EML4: variants seen among roughly 807,000 people sequenced by gnomAD.
EML4 encodes the protein EMAP like 4.
In EML4, 72 loss-of-function variants were observed where a neutral mutation model predicts 129.0. The ratio of observed to expected loss-of-function variants is 0.56; its 90% CI spans 0.46 to 0.68. The LOEUF (loss-of-function observed/expected upper bound fraction) is 0.68, where lower values mean the gene tolerates loss of function less well. Among genes scored for constraint, EML4 ranks in the 30% least tolerant of loss-of-function variants. The pLI is 0.00. For synonymous variants in EML4, 532 were observed against 405.0 expected, an observed-to-expected ratio of 1.31 and a Z score of -3.77; for missense variants, 1,363 against 1,190.6, an observed-to-expected ratio of 1.14 and a Z score of -2.13.
intron 1 of EML4, among the ~76,000 whole-genome samples, chr2:42,219,734 A>G (rs1572566831): frequency 6.6e-6 from 1 of 152,028 alleles, no homozygotes; most frequent in African/African-American, 2.4e-5. Flanking sequence ...CCTGGCCAAC[A>G]TGGTGAAGCC....
At chr2:42,258,398 T>G (rs201451214) in intron 3 of EML4, among the ~76,000 whole-genome samples, 24 of 41,188 alleles carry the variant, frequency 5.8e-4, no homozygotes, top group African/African-American at 2.6e-3. Context: ...TTTTTTAAGA[T>G]ATATATATAT....
intron 1 of EML4, among the ~76,000 whole-genome samples, chr2:42,240,918 A>G (rs1353697001): frequency 6.6e-6 from 1 of 152,154 alleles, no homozygotes; most frequent in Non-Finnish European, 1.5e-5. Context: ...AGGCAGGCAG[A>G]TAGATCCCTT....
At chr2:42,254,744 T>C (rs988797941) in intron 2 of EML4, among the ~76,000 whole-genome samples, 1 of 152,064 alleles carries the variant, frequency 6.6e-6, no homozygotes, top group African/African-American at 2.4e-5. Context: ...CCTCAATAAG[T>C]TGAACATACA....
At chr2:42,310,796 A>AT (rs1256933361) in intron 17 of EML4, among the ~76,000 whole-genome samples, 9 of 151,790 alleles carry the variant, frequency 5.9e-5, no homozygotes, top group Admixed American at 1.3e-4. Context: ...CTTAAAAAAC[A>AT]TTTTTTTTTA....
At chr2:42,299,221 A>G (rs1233602576) in intron 13 of EML4, among the ~76,000 whole-genome samples, 1 of 152,248 alleles carries the variant, frequency 6.6e-6, no homozygotes, top group African/African-American at 2.4e-5. Context: ...TCCCTGCCAT[A>G]TATACCCATC....
chr2:42,178,368 C>T (rs762145406), intron 1 of EML4, among the ~76,000 whole-genome samples: 2 of 151,530 alleles, frequency 1.3e-5, no homozygotes, highest in Non-Finnish European at 1.5e-5. Context: ...CATAGTGAGA[C>T]CCTGTCTCTA....
chr2:42,228,513 G>C (rs539451778), intron 1 of EML4, among the ~76,000 whole-genome samples: 2 of 152,126 alleles, frequency 1.3e-5, no homozygotes, highest in Non-Finnish European at 2.9e-5. Context: ...ATATCATTTG[G>C]AATATAGCTG....
At chr2:42,177,951 A>G (rs1002016302) in intron 1 of EML4, among the ~76,000 whole-genome samples, 20 of 152,200 alleles carry the variant, frequency 1.3e-4, no homozygotes, top group African/African-American at 4.8e-4. Context: ...GTTGGTCACA[A>G]TCAGATGAAA....
chr2:42,199,416 G>A lies in EML4; in HGVS notation c.25+29780G>A, dbSNP rs572733767. ...TTGGAGAGTGACTGAGAAGTTGATT[G>A]ATGATAATGATGAATAATTAGGTTA... On this transcript the variant is annotated intron_variant, in intron 1 of 22. Coordinates refer to ENST00000318522, the MANE Select transcript of EML4 (RefSeq NM_019063.5). 1.4e-3 allele frequency among the ~76,000 whole-genome samples: 214 copies of A among 152,304 alleles called. 3 individuals are homozygous for A. In the South Asian group the frequency reaches 0.019, roughly 13 times the overall value.
chr2:42,280,594 G>A (rs1164878223), intron 6 of EML4, among the ~76,000 whole-genome samples: 1 of 152,172 alleles, frequency 6.6e-6, no homozygotes, highest in African/African-American at 2.4e-5. Flanking sequence ...AAATATACAG[G>A]TTATATGTGA....
intron 1 of EML4, among the ~76,000 whole-genome samples, chr2:42,172,479 T>C (rs889518908): frequency 2.0e-5 from 3 of 152,210 alleles, no homozygotes; most frequent in Admixed American, 1.3e-4. Context: ...TGGTACTGAT[T>C]ATGTTATCTT....
intron 13 of EML4, among the ~76,000 whole-genome samples, chr2:42,299,432 A>G (rs1668150216): frequency 6.6e-6 from 1 of 152,170 alleles, no homozygotes; most frequent in African/African-American, 2.4e-5. Context: ...CTTTAAGTTC[A>G]GTGGTTTTTA....
chr2:42,246,268 C>A (rs1160269668), intron 2 of EML4, among the ~76,000 whole-genome samples: 3 of 152,000 alleles, frequency 2.0e-5, no homozygotes, highest in Non-Finnish European at 4.4e-5. Flanking sequence ...ATGTAGTGTA[C>A]CTTTTCCCTT....
intron 1 of EML4, among the ~76,000 whole-genome samples, chr2:42,239,419 T>G (rs1427455739): frequency 1.2e-4 from 19 of 152,228 alleles, no homozygotes; most frequent in Non-Finnish European, 2.4e-4. Context: ...GCATAATGAA[T>G]AGCTATCATT....
intron 13 of EML4, 25 bp from the exon 14 acceptor site, chr2:42,301,216 T>C: frequency 6.3e-7 from 1 of 1,590,718 alleles, no homozygotes; most frequent in Non-Finnish European, 8.6e-7. Flanking sequence ...TTATCACTAG[T>C]GTTTTTATTT....
At chr2:42,310,543 A>G (rs982114113) in intron 17 of EML4, among the ~76,000 whole-genome samples, 4 of 152,096 alleles carry the variant, frequency 2.6e-5, no homozygotes, top group Non-Finnish European at 2.9e-5. Flanking sequence ...ACAGGGTTTC[A>G]CCATGTTGGT....
chr2:42,269,269 A>G (rs967317147), intron 6 of EML4, among the ~76,000 whole-genome samples: 1 of 152,266 alleles, frequency 6.6e-6, no homozygotes, highest in African/African-American at 2.4e-5. Flanking sequence ...AAAAATAAAT[A>G]AAACGAACTC....
chr2:42,206,975 A>T (rs1672588539), intron 1 of EML4, among the ~76,000 whole-genome samples: 1 of 152,194 alleles, frequency 6.6e-6, no homozygotes, highest in African/African-American at 2.4e-5. Context: ...AAATAGTTGC[A>T]TATTGGCAGT....
chr2:42,172,517 T>G (rs1670341204), intron 1 of EML4, among the ~76,000 whole-genome samples: 1 of 152,224 alleles, frequency 6.6e-6, no homozygotes, highest in African/African-American at 2.4e-5. Flanking sequence ...AAGTGAAGAA[T>G]TCTTTTAATC....
Sources: gnomAD v4.1 joint callset for allele counts (sites outside exome capture counted in the v4.1 genomes callset) on GRCh38, gnomAD v4.1.1 for gene constraint, MANE v1.5 for transcripts, NCBI Gene and HGNC (gene_info 2026-07-23, HGNC 2026-07-21) for gene names.